PCDH15: variants seen among roughly 807,000 people sequenced by gnomAD.
PCDH15 encodes the protein protocadherin-15.
A neutral mutation model predicts 178.5 loss-of-function variants in PCDH15; 129 were observed. The observed-to-expected ratio is 0.72, with a 90% confidence interval of 0.63 to 0.84. The LOEUF (loss-of-function observed/expected upper bound fraction) is 0.84, where lower values mean the gene tolerates loss of function less well. PCDH15 is among the 40% of genes least tolerant of loss of function. PCDH15 has a pLI of 0.00. For missense variants in PCDH15, 2,230 were observed against 2,099.9 expected, an observed-to-expected ratio of 1.06 and a Z score of -1.21; for synonymous variants, 800 against 732.0, an observed-to-expected ratio of 1.09 and a Z score of -1.50.
At chr10:55,043,170 T>A (rs896391730) in intron 2 of PCDH15, among the ~76,000 whole-genome samples, 2 of 152,124 alleles carry the variant, frequency 1.3e-5, no homozygotes, top group Non-Finnish European at 2.9e-5. Context: ...GGAAGTAGAT[T>A]TTTTTTCTAC....
chr10:54,218,530 T>C (rs1222550473), intron 9 of PCDH15, among the ~76,000 whole-genome samples: 1 of 151,084 alleles, frequency 6.6e-6, no homozygotes, highest in Non-Finnish European at 1.5e-5. Flanking sequence ...TTCTATCTCT[T>C]CCCTCTCTCT....
intron 3 of PCDH15, among the ~76,000 whole-genome samples, chr10:54,848,999 T>G (rs1953562503): frequency 6.6e-6 from 1 of 152,296 alleles, no homozygotes; most frequent in African/African-American, 2.4e-5. Context: ...GAACATAAAC[T>G]TTATTGCCCT....
intron 2 of PCDH15, among the ~76,000 whole-genome samples, chr10:55,343,497 CAT>C (rs548392787): frequency 2.1e-3 from 319 of 152,118 alleles, no homozygotes; most frequent in Non-Finnish European, 3.0e-3. Flanking sequence ...TATCTTTTCA[CAT>C]GTCACCTCTT....
chr10:55,261,350 G>C (rs1197390493), intron 1 of PCDH15, among the ~76,000 whole-genome samples: 1 of 152,030 alleles, frequency 6.6e-6, no homozygotes, highest in East Asian at 1.9e-4. Flanking sequence ...TGTACATGAG[G>C]AAAAAAGGGG....
intron 2 of PCDH15, among the ~76,000 whole-genome samples, chr10:55,382,003 G>C (rs184155844): frequency 1.5e-3 from 224 of 152,210 alleles, no homozygotes; most frequent in African/African-American, 5.1e-3. Flanking sequence ...AAAGAAATTT[G>C]TTTGAATCTC....
In PCDH15 at chr10:54,023,211, CAA is replaced by C. The variant is rs748865551; in HGVS notation, c.2221-16_2221-15del. 1.4e-5 allele frequency: 22 copies of C among 1,606,950 alleles called. No individual in the cohort carries two copies. The highest frequency in any genetic ancestry group is 1.9e-5 in the Non-Finnish European group (22 of 1,177,510). On this transcript the variant is annotated splice_polypyrimidine_tract_variant and intron_variant, in intron 18 of 37. Coordinates refer to ENST00000644397, the MANE Select transcript of PCDH15 (RefSeq NM_001384140.1). ...AGGGTCTGTTGCCTATTAAATAAAACAAAAAAACAAAAAAATTCACGTAAGTT... is the reference window on the plus strand; with the variant it reads ...AGGGTCTGTTGCCTATTAAATAAAACAAAAACAAAAAAATTCACGTAAGTT...
intron 3 of PCDH15, among the ~76,000 whole-genome samples, chr10:54,501,778 T>C (rs1244352789): frequency 6.6e-6 from 1 of 152,100 alleles, no homozygotes; most frequent in Non-Finnish European, 1.5e-5. Flanking sequence ...TAATTATATA[T>C]GATTTGTTTT....
chr10:53,930,196 C>T (rs139356326), intron 25 of PCDH15, among the ~76,000 whole-genome samples: 1,770 of 151,674 alleles, frequency 0.012, 19 homozygotes, highest in Middle Eastern at 0.021. Context: ...CGGTGGTTCA[C>T]GCCTGTAATC....
In PCDH15 at chr10:54,759,416, T is replaced by C. The variant is rs140716768; in HGVS notation, c.-29+41509A>G. 1.2e-3 allele frequency among the ~76,000 whole-genome samples: 190 copies of C among 152,272 alleles called. 1 individual carries two copies. The highest frequency in any genetic ancestry group is 4.3e-3 in the African/African-American group (180 of 41,570). On this transcript the variant is annotated intron_variant, in intron 1 of 37. Transcript: ENST00000644397. ...TGAATGTTTCCTAAAAAGGATATAT[T>C]AATAAAGTTCTGTACTAATATATAT...
intron 1 of PCDH15, among the ~76,000 whole-genome samples, chr10:55,175,164 C>A (rs1432666843): frequency 2.0e-5 from 3 of 152,090 alleles, no homozygotes; most frequent in African/African-American, 7.2e-5. Flanking sequence ...AAGAAGGAAG[C>A]ACTTTCAGAT....
intron 3 of PCDH15, among the ~76,000 whole-genome samples, chr10:54,436,565 C>A (rs1437735188): frequency 2.0e-5 from 3 of 152,104 alleles, no homozygotes; most frequent in Non-Finnish European, 4.4e-5. Flanking sequence ...TCTGGAAATT[C>A]TTAAAGGATT....
chr10:54,926,279 G>C (rs1173795441), intron 2 of PCDH15, among the ~76,000 whole-genome samples: 1 of 152,170 alleles, frequency 6.6e-6, no homozygotes, highest in East Asian at 1.9e-4. Flanking sequence ...AACTAACCTT[G>C]AATTCCAAGG....
intron 2 of PCDH15, among the ~76,000 whole-genome samples, chr10:55,359,530 C>T (rs1301828848): frequency 2.0e-5 from 3 of 151,398 alleles, no homozygotes; most frequent in Non-Finnish European, 4.4e-5. Flanking sequence ...ATGGCATTTC[C>T]TTAAAAAAAT....
intron 2 of PCDH15, among the ~76,000 whole-genome samples, chr10:54,915,846 T>C (rs967613746): frequency 6.6e-6 from 1 of 152,174 alleles, no homozygotes; most frequent in African/African-American, 2.4e-5. Flanking sequence ...TTATTTATTT[T>C]GAGATGGAGT....
At chr10:54,355,073 C>A (rs963590680) in intron 5 of PCDH15, among the ~76,000 whole-genome samples, 2 of 110,906 alleles carry the variant, frequency 1.8e-5, no homozygotes, top group Admixed American at 1.2e-4. Flanking sequence ...TCTTGGTTTT[C>A]AAATCTGTCA....
intron 1 of PCDH15, among the ~76,000 whole-genome samples, chr10:55,179,611 G>T (rs1157169701): frequency 3.3e-5 from 5 of 151,896 alleles, no homozygotes; most frequent in Non-Finnish European, 7.4e-5. Context: ...CCACTTACAG[G>T]TCCCCTCAGA....
At chr10:54,593,485 G>A (rs1432450630) in intron 2 of PCDH15, among the ~76,000 whole-genome samples, 1 of 152,060 alleles carries the variant, frequency 6.6e-6, no homozygotes, top group Non-Finnish European at 1.5e-5. Flanking sequence ...TTTACTCTAA[G>A]TGCATGGATT....
chr10:53,996,629 C>T (rs571788866), intron 20 of PCDH15, among the ~76,000 whole-genome samples: 2 of 152,208 alleles, frequency 1.3e-5, no homozygotes, highest in East Asian at 3.9e-4. Flanking sequence ...ATCTACTTAT[C>T]AGGGCCAAAA....
chr10:54,335,960 T>C lies in PCDH15; in HGVS notation c.595-6254A>G, dbSNP rs371052860. 1.8e-4 allele frequency among the ~76,000 whole-genome samples: 27 copies of C among 152,270 alleles called. No homozygotes were observed. The East Asian group carries it at 4.5e-3, about 25-fold the overall frequency. On this transcript the variant is annotated intron_variant, in intron 6 of 37. Transcript: ENST00000644397. ...GCTTTGACCAAAATGCTGATAATGA[T>C]ACGGACAATGAAATCCAGGGTAAAG...
Sources: allele counts gnomAD v4.1 joint callset (sites outside exome capture counted in the v4.1 genomes callset), GRCh38; gene constraint gnomAD v4.1.1; transcripts MANE v1.5; gene names NCBI Gene and HGNC (gene_info 2026-07-23, HGNC 2026-07-21).